Variants in TCP11 observed in about 807,000 individuals in gnomAD.
TCP11 encodes the protein t-complex 11.
In TCP11, 34 loss-of-function variants were observed where a neutral mutation model predicts 45.0. The observed-to-expected ratio is 0.76, with a 90% CI of 0.57 to 1.01. TCP11 has a LOEUF of 1.01. TCP11 is among the 50% of genes least tolerant of loss of function. The pLI, the probability that TCP11 is intolerant of heterozygous loss-of-function variation, is 0.00. For synonymous variants in TCP11, 227 were observed against 227.0 expected, an observed-to-expected ratio of 1.00 and a Z score of 0.00; for missense variants, 523 against 598.1, an observed-to-expected ratio of 0.87 and a Z score of 1.31.
chr6:35,122,063 T>C (rs1203719425), intron 5 of TCP11, 54 bp downstream of exon 5: 1 of 1,584,294 alleles, frequency 6.3e-7, no homozygotes, highest in Non-Finnish European at 8.7e-7. Context: ...TGGCCCAGCT[T>C]TTCCGGGCTC....
At chr6:35,138,985 C>T (rs972524279) in intron 2 of TCP11, among the ~76,000 whole-genome samples, 2 of 152,086 alleles carry the variant, frequency 1.3e-5, no homozygotes, top group South Asian at 2.1e-4. Flanking sequence ...GTCAGGAGTT[C>T]GAGACCAGCC....
In TCP11 at chr6:35,141,239, T is replaced by C; in HGVS notation, c.-49A>G. 7.3e-7 allele frequency: 1 copy of C among 1,374,950 alleles called. No individual in the cohort carries two copies. The highest frequency in any genetic ancestry group is 9.4e-7 in the Non-Finnish European group (1 of 1,065,342). The allele number at this position is 1,374,950 out of a possible 1,614,324, so 85.2% of individuals were successfully genotyped here. On this transcript the variant is annotated 5_prime_UTR_variant, in exon 1 of 10. Transcript: ENST00000311875. ...CCCCGCCGCGGGTCATCCACTGGCG[T>C]CCGCTCGGTGGGCCTCGCGGCCTGG... is the stretch of plus-strand genomic sequence containing the variant.
At chr6:35,141,113 G>T in intron 1 of TCP11, 92 bp downstream of exon 1, 1 of 1,294,968 alleles carries the variant, frequency 7.7e-7, no homozygotes, top group Non-Finnish European at 9.8e-7. Flanking sequence ...GGCGCAGGGC[G>T]GGAAGCGTGG....
At chr6:35,140,044 G>C (rs1781542704) in intron 2 of TCP11, 1 of 1,613,980 alleles carries the variant, frequency 6.2e-7, no homozygotes, top group Non-Finnish European at 8.5e-7. Context: ...TGTTGGAAAT[G>C]ACCCCAATAT....
At chr6:35,140,687 G>T in intron 2 of TCP11, 60 bp downstream of exon 2, 3 of 969,814 alleles carry the variant, frequency 3.1e-6, no homozygotes, top group Non-Finnish European at 4.8e-6. Context: ...GGGGGGGCCT[G>T]CGGACCCCCC....
chr6:35,123,655 T>TC (rs1779528157), intron 4 of TCP11, among the ~76,000 whole-genome samples: 1 of 148,604 alleles, frequency 6.7e-6, no homozygotes, highest in South Asian at 2.2e-4. Flanking sequence ...TTCTTTCTTT[T>TC]TTTTTTTTTT....
intron 4 of TCP11, 181 bp downstream of exon 4, chr6:35,128,881 T>C: frequency 1.4e-6 from 1 of 737,714 alleles, no homozygotes; most frequent in East Asian, 3.1e-5. Context: ...TTTCTCCTAC[T>C]CTCTGTTATA....
chr6:35,130,334 A>G (rs1409571758), intron 3 of TCP11, among the ~76,000 whole-genome samples: 1 of 152,170 alleles, frequency 6.6e-6, no homozygotes, highest in Non-Finnish European at 1.5e-5. Context: ...ATAATCCACA[A>G]AAGAAAAAAT....
chr6:35,129,351 G>C (rs1378088297), intron 3 of TCP11, among the ~76,000 whole-genome samples, 169 bp from the exon 4 acceptor site: 1 of 152,212 alleles, frequency 6.6e-6, no homozygotes, highest in African/African-American at 2.4e-5. Flanking sequence ...GCTAGGGTTA[G>C]ATTTGTATTT....
intron 3 of TCP11, among the ~76,000 whole-genome samples, chr6:35,131,102 A>C (rs569375656): frequency 6.6e-6 from 1 of 152,210 alleles, no homozygotes; most frequent in Non-Finnish European, 1.5e-5. Flanking sequence ...GTGAAAACCT[A>C]TCTCTACTAA....
At chr6:35,127,457 G>C (rs1779958141) in intron 4 of TCP11, among the ~76,000 whole-genome samples, 1 of 152,160 alleles carries the variant, frequency 6.6e-6, no homozygotes, top group African/African-American at 2.4e-5. Context: ...CTGAAGTTCT[G>C]GCCAAGGACA....
Position 35,136,138 on chromosome 6 carries a change from A to G in TCP11, c.205T>C (p.Tyr69His). 6.2e-7 allele frequency: 1 copy of G among 1,613,832 alleles called. No individual in the cohort carries two copies. The highest frequency in any genetic ancestry group is 8.5e-7 in the Non-Finnish European group (1 of 1,179,834). Reference sequence around the variant, plus strand: ...GGAGGTAAAACCTTCTCTTCCATGTAGTAATCACAATTCATCCCAATCTTG... The same window carrying G: ...GGAGGTAAAACCTTCTCTTCCATGTGGTAATCACAATTCATCCCAATCTTG... ...SNKIGMNCDY[Y>H]MEEKVLPPSS... The change falls in exon 3 of 10, where the codon TAC becomes CAC. Residue 69 changes from tyrosine to histidine, a missense_variant. Transcript: ENST00000311875.
At chr6:35,136,054 G>T in intron 3 of TCP11, 53 bp downstream of exon 3, 1 of 1,422,188 alleles carries the variant, frequency 7.0e-7, no homozygotes, top group Non-Finnish European at 9.8e-7. Flanking sequence ...AGCCATCAGT[G>T]CTAAGTACCT....
chr6:35,128,859 G>T, intron 4 of TCP11: 1 of 604,358 alleles, frequency 1.7e-6, no homozygotes. Context: ...ACTCTTACTA[G>T]CCAAGCCCTC....
At position 35,122,243 on chromosome 6, in the gene TCP11, T is replaced by G. The variant is rs768848363; in HGVS notation, c.452A>C (p.His151Pro). 6 of 1,614,072 alleles carry G rather than the reference T, an allele frequency of 3.7e-6. No homozygotes were observed. In the Admixed American group the frequency reaches 8.3e-5, roughly 22 times the overall value. The change falls in exon 5 of 10, where the codon CAT becomes CCT. Residue 151 changes from histidine to proline, a missense_variant. Around this residue, in one of 2 missense-constraint regions of TCP11, gnomAD observed 225 missense variants for 210.2 expected, o/e 1.07. Coordinates refer to ENST00000311875, the MANE Select transcript of TCP11 (RefSeq NM_001370687.1). ...DMDLLKQEAE[H>P]GALKVLYLSK... ...GAGATAGAGGACTTTCAGGGCCCCATGTTCTGCCTCCTGCTTGAGCAAGTC... is the reference window on the plus strand; with the variant it reads ...GAGATAGAGGACTTTCAGGGCCCCAGGTTCTGCCTCCTGCTTGAGCAAGTC...
At chr6:35,121,865 AAAG>A (rs1244549669) in intron 5 of TCP11, among the ~76,000 whole-genome samples, 6 of 152,148 alleles carry the variant, frequency 3.9e-5, no homozygotes, top group Non-Finnish European at 7.4e-5. Context: ...TCCTTAAAAG[AAAG>A]AAGTATGTAC....
chr6:35,136,249 G>T, intron 2 of TCP11, 31 bp from the exon 3 acceptor site: 3 of 1,543,190 alleles, frequency 1.9e-6, no homozygotes, highest in Non-Finnish European at 2.7e-6. Context: ...GCCCATGCAA[G>T]TCTGAATTTC....
Position 35,120,707 on chromosome 6 carries a change from C to A in TCP11, c.716-61G>T, listed in dbSNP as rs968560360. The stretch of plus-strand genomic sequence containing the variant: ...CATCTTCATCTCTGAGGCTTCAAGA[C>A]CAAGGTTCTTTTCAAGTATACTCCT... On this transcript the variant is annotated intron_variant, in intron 6 of 9. Transcript: ENST00000311875. This position sits in a 1 kb window ranked among gnomAD's most constrained non-coding sequence, Gnocchi z 4.9. 10 of 1,521,996 alleles carry A rather than the reference C, an allele frequency of 6.6e-6. No homozygotes were observed. In the Admixed American group the frequency reaches 1.1e-4, roughly 17 times the overall value. 94.3% of individuals were successfully genotyped at this position (1,521,996 alleles called of 1,614,324 possible).
At chr6:35,131,209 G>C (rs1944780645) in intron 3 of TCP11, among the ~76,000 whole-genome samples, 1 of 152,118 alleles carries the variant, frequency 6.6e-6, no homozygotes. Context: ...GGAGGCAGAG[G>C]TTGCAGTGAG....
Sources: gnomAD v4.1 joint callset for allele counts (sites outside exome capture counted in the v4.1 genomes callset) on GRCh38, gnomAD v4.1.1 for gene constraint, gnomAD v4.1.1 regional missense constraint, Gnocchi (gnomAD v3.1) non-coding constraint, MANE v1.5 for transcripts, NCBI Gene and HGNC (gene_info 2026-07-23, HGNC 2026-07-21) for gene names.